Variants in PVR observed in about 807,000 individuals in gnomAD.
PVR encodes poliovirus receptor.
Under a neutral mutation model 43.3 loss-of-function variants are expected in PVR, and 39 were observed. The ratio of observed to expected loss-of-function variants is 0.90; its 90% CI spans 0.70 to 1.18. The LOEUF (loss-of-function observed/expected upper bound fraction) is 1.18, where lower values mean the gene tolerates loss of function less well. Among genes scored for constraint, PVR ranks in the 50% most tolerant of loss-of-function variants. PVR has a pLI of 0.00. For missense variants in PVR, 480 were observed against 549.7 expected (o/e 0.87, Z 1.27); for synonymous variants, 224 against 233.2 (o/e 0.96, Z 0.36).
chr19:44,661,149 G>C, intron 6 of PVR, 143 bp from the exon 7 acceptor site: 1 of 726,374 alleles, frequency 1.4e-6, no homozygotes, highest in Non-Finnish European at 2.5e-6. Flanking sequence ...TGACACACGT[G>C]TATACCATTA....
rs1973681962 is a variant in PVR at position 44,665,205 on chromosome 19, C to G, written c.*3394C>G. On this transcript the variant is annotated 3_prime_UTR_variant, in exon 8 of 8. Coordinates refer to ENST00000425690, the MANE Select transcript of PVR (RefSeq NM_006505.5). ...CATAAGGAGGCTAAAACACTCCACA[C>G]CCTCCCTCTGCATTGCTCCTGCACG... 6.6e-6 allele frequency: 1 copy of G among 152,158 alleles called. No individual in the cohort carries two copies. Among genetic ancestry groups the G allele is most frequent in the Non-Finnish European group, 1.5e-5 (1 of 68,020 alleles). 9.4% of individuals were successfully genotyped at this position (152,158 alleles called of 1,614,324 possible).
chr19:44,649,266 C>T (rs1973212201), intron 2 of PVR, among the ~76,000 whole-genome samples: 1 of 152,092 alleles, frequency 6.6e-6, no homozygotes, highest in Admixed American at 6.6e-5. Flanking sequence ...TTATTGAGCG[C>T]TTATTATATA....
chr19:44,645,119 A>ATATATTATAATATATAATATATAT (rs1973052871), intron 1 of PVR, among the ~76,000 whole-genome samples: 1 of 80,262 alleles, frequency 1.2e-5, no homozygotes, highest in Non-Finnish European at 2.1e-5. Flanking sequence ...GTAATATATA[A>ATATATTATAATATATAATATATAT]TATATTATAA....
At chr19:44,647,076 T>TCCCCCCCCCCCCC in intron 1 of PVR, 147 bp from the exon 2 acceptor site, 1 of 107,484 alleles carries the variant, frequency 9.3e-6, no homozygotes, top group Non-Finnish European at 1.8e-5. Context: ...AGTGCCCCAG[T>TCCCCCCCCCCCCC]TCCCCCTCCC....
At position 44,643,988 on chromosome 19, in the gene PVR, C is replaced by T; in HGVS notation, c.-109C>T. 2 of 879,056 alleles carry T rather than the reference C, an allele frequency of 2.3e-6. No homozygotes were observed. The highest frequency in any genetic ancestry group is 6.3e-5 in the Admixed American group (2 of 31,936). 54.5% of individuals were successfully genotyped at this position (879,056 alleles called of 1,614,324 possible). On this transcript the variant is annotated 5_prime_UTR_variant, in exon 1 of 8. Coordinates refer to ENST00000425690, the MANE Select transcript of PVR (RefSeq NM_006505.5). ...CTGGAGGAGCGGCCCCCCGGGGATT[C>T]CAGGACCTGAGCTCCGGGAGCTGGA... is the stretch of plus-strand genomic sequence containing the variant.
At chr19:44,657,621 G>C in intron 4 of PVR, 141 bp from the exon 5 acceptor site, 1 of 737,718 alleles carries the variant, frequency 1.4e-6, no homozygotes, top group Non-Finnish European at 2.2e-6. Flanking sequence ...GAGAGGAAGG[G>C]AAGAGTTGGG....
chr19:44,661,346 G>A, intron 7 of PVR, 23 bp downstream of exon 7: 3 of 1,612,820 alleles, frequency 1.9e-6, no homozygotes, highest in Non-Finnish European at 2.5e-6. Context: ...TTGGAGCTAA[G>A]GAGGGTGTGG....
At position 44,663,651 on chromosome 19, in the gene PVR, A is replaced by C. The variant is rs1973640415; in HGVS notation, c.*1840A>C. ...GACAGGTTTCATGTGTACTGTCACC[A>C]CGTGGGATGGAACCAGAGGCATGGA... On this transcript the variant is annotated 3_prime_UTR_variant, in exon 8 of 8. Transcript: ENST00000425690. The C allele has an allele frequency of 6.6e-6, 1 of 152,198 alleles. No homozygotes were observed. Among genetic ancestry groups the C allele is most frequent in the Admixed American group, 6.6e-5 (1 of 15,260 alleles). The allele number at this position is 152,198 out of a possible 1,614,324, so 9.4% of individuals were successfully genotyped here.
rs566862603 is a variant in PVR, at chr19:44,658,313, T to C, written c.991+403T>C. Among the ~76,000 whole-genome samples, 3 of 152,350 alleles carry C rather than the reference T, an allele frequency of 2.0e-5. No homozygotes were observed. In the East Asian group the frequency reaches 5.8e-4, roughly 29 times the overall value. On this transcript the variant is annotated intron_variant, in intron 5 of 7. Coordinates refer to ENST00000425690, the MANE Select transcript of PVR (RefSeq NM_006505.5). ...GGCTCCAACCTTGTAACCCAGGAAC[T>C]TTTATTTTATACATCTCTTGTCTCT...
chr19:44,644,376 G>T (rs1973016593), intron 1 of PVR, among the ~76,000 whole-genome samples: 1 of 152,178 alleles, frequency 6.6e-6, no homozygotes, highest in Non-Finnish European at 1.5e-5. Flanking sequence ...GAGAGCGGTC[G>T]GAGTTGGGTA....
Position 44,657,779 on chromosome 19 carries a change from C to T in PVR, c.860C>T (p.Pro287Leu), listed in dbSNP as rs754980540. ...TCTCCCAGGACCATGGGTCCCCTGC[C>T]ACCCTTTGCTGTGGCCCAGGGCGCC... The part of the protein sequence containing the change: ...YNWSTTMGPL[P>L]PFAVAQGAQL... The change falls in exon 5 of 8, where the codon CCA becomes CTA. Residue 287 changes from proline (P) to leucine (L), a missense_variant. Physicochemically the swap from Pro to Leu is moderately conservative, Grantham distance 98 (BLOSUM62 -3). Coordinates refer to ENST00000425690, the MANE Select transcript of PVR (RefSeq NM_006505.5). The T allele has an allele frequency of 6.2e-7, 1 of 1,614,136 alleles. No homozygotes were observed. Among genetic ancestry groups the T allele is most frequent in the South Asian group, 1.1e-5 (1 of 91,080 alleles).
At chr19:44,646,638 G>A (rs1973121501) in intron 1 of PVR, among the ~76,000 whole-genome samples, 1 of 152,068 alleles carries the variant, frequency 6.6e-6, no homozygotes, top group Non-Finnish European at 1.5e-5. Flanking sequence ...CAGGTGTGGT[G>A]GTGGGAGCCT....
chr19:44,648,259 G>A (rs1973185583), intron 2 of PVR, among the ~76,000 whole-genome samples: 1 of 152,174 alleles, frequency 6.6e-6, no homozygotes, highest in African/African-American at 2.4e-5. Context: ...GCCCATGTGA[G>A]CCCCTTAGAG....
intron 3 of PVR, among the ~76,000 whole-genome samples, chr19:44,650,613 AGTACAGTGGCATGTTCTCGGCTCACT>A (rs1973256412): frequency 7.0e-6 from 1 of 143,460 alleles, no homozygotes; most frequent in Non-Finnish European, 1.5e-5. Flanking sequence ...CCCAGGCTGC[AGTACAGTGGCATGTTCTCGGCTCACT>A]GTAACCTCTG....
chr19:44,654,456 G>T (rs1973382554), intron 4 of PVR, among the ~76,000 whole-genome samples: 1 of 152,234 alleles, frequency 6.6e-6, no homozygotes, highest in African/African-American at 2.4e-5. Context: ...CTGTTTTGCG[G>T]TTGAGGCGTT....
chr19:44,644,288 C>T, intron 1 of PVR, 113 bp downstream of exon 1: 1 of 740,734 alleles, frequency 1.4e-6, no homozygotes. Context: ...CGGCGCCACC[C>T]ACCCCCCATC....
Position 44,644,091 on chromosome 19 carries a change from A to C in PVR, c.-6A>C. The stretch of plus-strand genomic sequence containing the variant: ...GCGGGAGGCCCAGCTGCTCGGAGCA[A>C]CTGGCATGGCCCGAGCCATGGCCGC... On this transcript the variant is annotated 5_prime_UTR_variant, in exon 1 of 8. Transcript: ENST00000425690. 5 of 1,510,656 alleles carry C rather than the reference A, an allele frequency of 3.3e-6. 1 individual carries two copies. In the South Asian group the frequency reaches 3.7e-5, roughly 11 times the overall value. The allele number at this position is 1,510,656 out of a possible 1,614,324, so 93.6% of individuals were successfully genotyped here. A position where few individuals can be genotyped will look rare whatever the true frequency, so the allele number is the denominator to read the frequency against.
At chr19:44,659,427 C>CTGAGTA in intron 6 of PVR, among the ~76,000 whole-genome samples, 1 of 152,056 alleles carries the variant, frequency 6.6e-6, no homozygotes, top group South Asian at 2.1e-4. Flanking sequence ...TGTCTACATG[C>CTGAGTA]CACTTTGTAT....
chr19:44,649,999 G>T lies in PVR; in HGVS notation c.618G>T (p.Trp206Cys). ...LSGTVTVTSL[W>C]ILVPSSQVDG... The stretch of plus-strand genomic sequence containing the variant: ...GCACAGTCACTGTCACCAGCCTCTG[G>T]ATATTGGTGCCCTCAAGCCAGGTGG... Residue 206 changes from tryptophan (W) to cysteine (C), a missense_variant, in exon 3 of 8, where the codon TGG becomes TGT. Physicochemically the swap from Trp to Cys is radical, Grantham distance 215. Coordinates refer to ENST00000425690, the MANE Select transcript of PVR (RefSeq NM_006505.5). 2 of 1,606,548 alleles carry T rather than the reference G, an allele frequency of 1.2e-6. No individual in the cohort carries two copies. Among genetic ancestry groups the T allele is most frequent in the Non-Finnish European group, 1.7e-6 (2 of 1,175,440 alleles).
Sources: allele counts gnomAD v4.1 joint callset (sites outside exome capture counted in the v4.1 genomes callset), GRCh38; gene constraint gnomAD v4.1.1; transcripts MANE v1.5; gene names NCBI Gene and HGNC (gene_info 2026-07-23, HGNC 2026-07-21).